Variants in LRCOL1 observed in about 807,000 individuals in gnomAD.
LRCOL1 encodes the protein leucine rich colipase like 1, also known as leucine-rich colipase-like protein 1.
In LRCOL1, 21 loss-of-function variants were observed where a neutral mutation model predicts 21.6. That is an observed-to-expected ratio of 0.97 (90% CI 0.69 to 1.40). The LOEUF is 1.40. LRCOL1 is among the 40% of genes most tolerant of loss of function. The pLI is 0.00. For missense variants in LRCOL1, 198 were observed against 202.3 expected (o/e 0.98, Z 0.13); for synonymous variants, 98 against 90.1 (o/e 1.09, Z -0.49).
rs1206652640 is a variant in LRCOL1 at position 132,604,371 on chromosome 12, G to T, written c.360C>A (p.Asn120Lys). The change falls in exon 5 of 6, where the codon AAC becomes AAA. Residue 120 changes from asparagine (N) to lysine (K), a missense_variant. Coordinates refer to ENST00000376608, the MANE Select transcript of LRCOL1 (RefSeq NM_001195520.2). ...FLQCVPWRKP[N>K]GDFCSSHQEC... ...CCTGATGGCTGCTGCAGAAGTCGCC[G>T]TTGGGCTGGGGAGGCAGCCAGGCAG... The T allele has an allele frequency of 2.0e-6, 3 of 1,535,430 alleles. No individual in the cohort carries two copies. Among genetic ancestry groups the T allele is most frequent in the Non-Finnish European group, 2.6e-6 (3 of 1,146,598 alleles).
chr12:132,606,738 T>G lies in LRCOL1; in HGVS notation c.-13-474A>C, dbSNP rs181591844. ...TGCTGACAGCCACCGAGCTTTTCAC[T>G]GTCAGCTTGGTTTTGCCTTCTCCAG... is the stretch of plus-strand genomic sequence containing the variant. On this transcript the variant is annotated intron_variant, in intron 1 of 5. Transcript: ENST00000376608. The surrounding 1 kb of genome is among the most constrained non-coding windows in gnomAD (Gnocchi z 4.6). Among the ~76,000 whole-genome samples, 2 of 152,288 alleles carry G rather than the reference T, an allele frequency of 1.3e-5. No homozygotes were observed. The highest frequency in any genetic ancestry group is 1.3e-4 in the Admixed American group (2 of 15,294).
intron 5 of LRCOL1, chr12:132,603,899 C>T (rs2041262102): frequency 8.4e-7 from 1 of 1,196,742 alleles, no homozygotes; most frequent in Non-Finnish European, 1.0e-6. Context: ...CAGGACCCTC[C>T]TCCTCCAGGG....
intron 2 of LRCOL1, among the ~76,000 whole-genome samples, chr12:132,605,395 A>G (rs2041293773): frequency 6.6e-6 from 1 of 152,230 alleles, no homozygotes; most frequent in African/African-American, 2.4e-5. Context: ...CAGTAATCCC[A>G]TTGCATGTTA....
rs1364733831 is a variant in LRCOL1, at chr12:132,604,368, G to A, written c.363C>T (p.Gly121=). The A allele has an allele frequency of 5.2e-6, 8 of 1,535,494 alleles. No homozygotes were observed. Among genetic ancestry groups the A allele is most frequent in the Non-Finnish European group, 4.4e-6 (5 of 1,146,636 alleles). Residue 121 remains glycine (G), a synonymous_variant, in exon 5 of 6, where the codon GGC becomes GGT. Coordinates refer to ENST00000376608, the MANE Select transcript of LRCOL1 (RefSeq NM_001195520.2). ...ACTCCTGATGGCTGCTGCAGAAGTC[G>A]CCGTTGGGCTGGGGAGGCAGCCAGG... The part of the protein sequence containing the change: ...LQCVPWRKPN[G]DFCSSHQECH...
intron 2 of LRCOL1, chr12:132,605,046 C>A: frequency 7.2e-7 from 1 of 1,390,264 alleles, no homozygotes; most frequent in Non-Finnish European, 9.3e-7. Flanking sequence ...TACTGTGAGC[C>A]ACGTGGAAGA....
intron 5 of LRCOL1, chr12:132,603,928 C>T: frequency 8.3e-7 from 1 of 1,209,196 alleles, no homozygotes. Flanking sequence ...GCTGTTCCCT[C>T]TCCGGCCTGA....
At chr12:132,603,989 G>A (rs953936243) in intron 5 of LRCOL1, 8 of 1,323,698 alleles carry the variant, frequency 6.0e-6, no homozygotes, top group African/African-American at 3.0e-5. Context: ...CCCCCTCCCC[G>A]CGGCTCCGCA....
intron 2 of LRCOL1, among the ~76,000 whole-genome samples, chr12:132,605,440 A>G (rs2041294379): frequency 6.6e-6 from 1 of 152,182 alleles, no homozygotes; most frequent in Non-Finnish European, 1.5e-5. Context: ...AAGTGGGTAT[A>G]TTTTCTGGCC....
Position 132,604,138 on chromosome 12 carries a change from G to A in LRCOL1, c.477+116C>T, listed in dbSNP as rs909167363. Reference sequence around the variant, plus strand: ...GGCCTCTCCCAGCAGGGGTGCCTGGGTGCTCAGAGCCCACCTCTCACAGCC... The same window carrying A: ...GGCCTCTCCCAGCAGGGGTGCCTGGATGCTCAGAGCCCACCTCTCACAGCC... On this transcript the variant is annotated intron_variant, in intron 5 of 5. Transcript: ENST00000376608. 1.4e-5 allele frequency: 20 copies of A among 1,443,156 alleles called. No individual in the cohort carries two copies. In the Admixed American group the frequency reaches 3.5e-4, roughly 25 times the overall value. 89.4% of individuals were successfully genotyped at this position (1,443,156 alleles called of 1,614,324 possible).
chr12:132,605,827 G>T, intron 2 of LRCOL1: 1 of 368,606 alleles, frequency 2.7e-6, no homozygotes, highest in Non-Finnish European at 4.8e-6. Flanking sequence ...AGTGCACACT[G>T]GTGCAGCTCC....
chr12:132,603,929 T>TCCGG (rs150249840), intron 5 of LRCOL1: 70,420 of 1,223,000 alleles, frequency 0.058, 4,030 homozygotes, highest in African/African-American at 0.28. Context: ...CTGTTCCCTC[T>TCCGG]CCGGCCTGAA....
intron 1 of LRCOL1, among the ~76,000 whole-genome samples, chr12:132,607,414 A>G (rs1231004694): frequency 1.3e-5 from 2 of 152,266 alleles, no homozygotes; most frequent in Admixed American, 1.3e-4. Context: ...AATGAACACC[A>G]TGCACGATAA....
chr12:132,604,400 T>C, intron 4 of LRCOL1, 24 bp from the exon 5 acceptor site: 1 of 1,534,520 alleles, frequency 6.5e-7, no homozygotes, highest in African/African-American at 1.4e-5. Flanking sequence ...CAGGCAGCAG[T>C]CGTGGAGAGG....
chr12:132,605,767 T>A, intron 2 of LRCOL1: 1 of 182,904 alleles, frequency 5.5e-6, no homozygotes, highest in South Asian at 1.4e-4. Flanking sequence ...GCACACAATT[T>A]AAAAAGTAAT....
Position 132,604,281 on chromosome 12 carries a change from G to A in LRCOL1, c.450C>T (p.Thr150=), listed in dbSNP as rs1455008226. 1.2e-5 allele frequency: 18 copies of A among 1,535,358 alleles called. No homozygotes were observed. The highest frequency in any genetic ancestry group is 4.1e-5 in the African/African-American group (3 of 73,150). ...GGGGCAGGCACTGGGCCAGGATCCC[G>A]GTCCGGGGAATGCAGCGGAAGGGGC... is the stretch of plus-strand genomic sequence containing the variant. ...EYSPFRCIPR[T]GILAQCLPL Residue 150 remains threonine, a synonymous_variant, in exon 5 of 6, where the codon ACC becomes ACT. Transcript: ENST00000376608.
At position 132,606,118 on chromosome 12, in the gene LRCOL1, C is replaced by T; in HGVS notation, c.105+29G>A. The T allele has an allele frequency of 1.3e-6, 2 of 1,533,090 alleles. No individual in the cohort carries two copies. The highest frequency in any genetic ancestry group is 2.4e-5 in the South Asian group (2 of 83,994). 95.0% of individuals were successfully genotyped at this position (1,533,090 alleles called of 1,614,324 possible). ...CACCTTATGGCGCGTGTGGGGCCTG[C>T]AGGGGCATCAGGGGTGCCCGGCACC... On this transcript the variant is annotated intron_variant, in intron 2 of 5. Transcript: ENST00000376608. This position sits in a 1 kb window ranked among gnomAD's most constrained non-coding sequence, Gnocchi z 4.6.
chr12:132,604,175 C>T, intron 5 of LRCOL1, 79 bp downstream of exon 5: 1 of 1,470,550 alleles, frequency 6.8e-7, no homozygotes, highest in Non-Finnish European at 9.0e-7. Flanking sequence ...CGGTCCCGGT[C>T]CAGTTGCTGT....
Position 132,603,307 on chromosome 12 carries a change from G to A in LRCOL1, c.*95C>T. The A allele has an allele frequency of 1.3e-6, 2 of 1,510,282 alleles. No homozygotes were observed. Among genetic ancestry groups the A allele is most frequent in the South Asian group, 1.2e-5 (1 of 83,400 alleles). The allele number at this position is 1,510,282 out of a possible 1,614,324, so 93.6% of individuals were successfully genotyped here. A position where few individuals can be genotyped will look rare whatever the true frequency, so the allele number is the denominator to read the frequency against. ...CAGAAACAGCAGCACAAACCGTAAGGGAAGCTTCCGCTGGAACCAGCCCCC... is the reference window on the plus strand; with the variant it reads ...CAGAAACAGCAGCACAAACCGTAAGAGAAGCTTCCGCTGGAACCAGCCCCC... On this transcript the variant is annotated 3_prime_UTR_variant, in exon 6 of 6. Transcript: ENST00000376608.
At chr12:132,605,501 G>A (rs1007785983) in intron 2 of LRCOL1, among the ~76,000 whole-genome samples, 1 of 152,198 alleles carries the variant, frequency 6.6e-6, no homozygotes, top group Non-Finnish European at 1.5e-5. Flanking sequence ...GGGTGAGGCC[G>A]GTGGATCACC....
Sources: allele counts gnomAD v4.1 joint callset (sites outside exome capture counted in the v4.1 genomes callset), GRCh38; gene constraint gnomAD v4.1.1; non-coding constraint Gnocchi (gnomAD v3.1); transcripts MANE v1.5; gene names NCBI Gene and HGNC (gene_info 2026-07-23, HGNC 2026-07-21).